The following AKAP10 variants were observed in gnomAD, a reference collection of about 807,000 sequenced individuals.
AKAP10 encodes A-kinase anchor protein 10, mitochondrial.
AKAP10 carries 24 observed loss-of-function variants against 80.8 expected under a neutral mutation model. The observed-to-expected ratio is 0.30, with a 90% confidence interval of 0.22 to 0.42. The LOEUF (loss-of-function observed/expected upper bound fraction) is 0.42. AKAP10 is among the 10% of genes least tolerant of loss of function. The pLI is 1.00. For synonymous variants in AKAP10, 291 were observed against 277.7 expected (o/e 1.05, Z -0.48); for missense variants, 661 against 794.9 (o/e 0.83, Z 2.03).
At chr17:19,968,554 A>G (rs2043453511) in intron 1 of AKAP10, 93 bp from the exon 2 acceptor site, 1 of 1,040,946 alleles carries the variant, frequency 9.6e-7, no homozygotes, top group African/African-American at 1.6e-5. Flanking sequence ...TTCTAAGATG[A>G]GTATTCAAAG....
intron 5 of AKAP10, among the ~76,000 whole-genome samples, chr17:19,946,828 A>G (rs1178664729): frequency 6.6e-6 from 1 of 152,156 alleles, no homozygotes; most frequent in Non-Finnish European, 1.5e-5. Flanking sequence ...AAAAAAGGCA[A>G]GTCACAGGCC....
At chr17:19,916,394 G>A (rs2042742410) in intron 12 of AKAP10, among the ~76,000 whole-genome samples, 1 of 152,160 alleles carries the variant, frequency 6.6e-6, no homozygotes, top group South Asian at 2.1e-4. Context: ...GCACTCCACT[G>A]TTCTATAAAA....
At position 19,931,789 on chromosome 17, in the gene AKAP10, C is replaced by T. The variant is rs752984675; in HGVS notation, c.1641+16G>A. On this transcript the variant is annotated intron_variant, in intron 10 of 14. Transcript: ENST00000225737. ...GTATGCTTTTCTCCCTAATGGCAGACGCAATCAGTCAATACCTGAGACGCA... is the reference window on the plus strand; with the variant it reads ...GTATGCTTTTCTCCCTAATGGCAGATGCAATCAGTCAATACCTGAGACGCA... 24 of 1,603,590 alleles carry T rather than the reference C, an allele frequency of 1.5e-5. No individual in the cohort carries two copies. The highest frequency in any genetic ancestry group is 1.0e-4 in the South Asian group (9 of 89,232).
At chr17:19,931,582 G>A (rs2042933708) in intron 10 of AKAP10, among the ~76,000 whole-genome samples, 1 of 151,796 alleles carries the variant, frequency 6.6e-6, no homozygotes, top group African/African-American at 2.4e-5. Flanking sequence ...GTAGAGATGG[G>A]GTTTCACCAT....
chr17:19,946,222 TTATATATATATATATTATATATATA>T (rs2043109446), intron 5 of AKAP10, among the ~76,000 whole-genome samples: 5 of 33,958 alleles, frequency 1.5e-4, no homozygotes, highest in Middle Eastern at 0.016. Context: ...TATATATATT[TTATATATATATATATTATATATATA>T]TATATATATA....
intron 10 of AKAP10, chr17:19,929,334 A>T (rs2042908021): frequency 6.6e-6 from 1 of 152,192 alleles, no homozygotes; most frequent in African/African-American, 2.4e-5. Flanking sequence ...GTATGATGTA[A>T]ATGTGAATTA....
In AKAP10 at chr17:19,962,977, G is replaced by A. The variant is rs751035251; in HGVS notation, c.182C>T (p.Ala61Val). ...ACTTGGTCCTGCAGCCTCCAGCAAGGCATGATTTTTAGTGCTTTTTTGTGG... is the reference window on the plus strand; with the variant it reads ...ACTTGGTCCTGCAGCCTCCAGCAAGACATGATTTTTAGTGCTTTTTTGTGG... ...HSPQKSTKNH[A>V]LLEAAGPSHV... Residue 61 changes from alanine to valine, a missense_variant, in exon 3 of 15, where the codon GCC (alanine) becomes GTC (valine). By Grantham distance (64) the Ala-to-Val change is moderately conservative (BLOSUM62 0). Coordinates refer to ENST00000225737, the MANE Select transcript of AKAP10 (RefSeq NM_007202.4). The A allele has an allele frequency of 1.9e-5, 30 of 1,612,950 alleles. No homozygotes were observed. Among genetic ancestry groups the A allele is most frequent in the Non-Finnish European group, 2.5e-5 (29 of 1,179,306 alleles).
intron 5 of AKAP10, among the ~76,000 whole-genome samples, chr17:19,943,074 T>TA (rs1046843051): frequency 2.0e-5 from 3 of 152,058 alleles, no homozygotes; most frequent in Non-Finnish European, 2.9e-5. Flanking sequence ...AAATTTTTTG[T>TA]AAGGGGGTCT....
chr17:19,921,430 A>G (rs1418513258), intron 11 of AKAP10, among the ~76,000 whole-genome samples: 1 of 151,416 alleles, frequency 6.6e-6, no homozygotes, highest in East Asian at 2.0e-4. Context: ...TGCTGGGATT[A>G]CAGGCGTGAG....
At chr17:19,925,074 G>A (rs1049212118) in intron 10 of AKAP10, among the ~76,000 whole-genome samples, 1 of 152,076 alleles carries the variant, frequency 6.6e-6, no homozygotes, top group Non-Finnish European at 1.5e-5. Flanking sequence ...TGAGACATGA[G>A]AATCACTTGA....
chr17:19,956,404 G>A (rs908140941), intron 4 of AKAP10, among the ~76,000 whole-genome samples: 14 of 151,972 alleles, frequency 9.2e-5, no homozygotes, highest in Non-Finnish European at 2.1e-4. Context: ...GAAATGCTGA[G>A]TCAGGTCCAC....
chr17:19,929,014 T>C (rs532343057), intron 10 of AKAP10, among the ~76,000 whole-genome samples: 1 of 152,318 alleles, frequency 6.6e-6, no homozygotes, highest in South Asian at 2.1e-4. Flanking sequence ...TTGGCCATAA[T>C]GAGGAATAAA....
intron 4 of AKAP10, among the ~76,000 whole-genome samples, chr17:19,957,496 T>C (rs1001956295): frequency 2.7e-4 from 41 of 151,670 alleles, no homozygotes; most frequent in Non-Finnish European, 4.6e-4. Flanking sequence ...GACCGCGCCA[T>C]TGCACTCCAG....
At chr17:19,928,076 C>T (rs1185251346) in intron 10 of AKAP10, among the ~76,000 whole-genome samples, 1 of 151,070 alleles carries the variant, frequency 6.6e-6, no homozygotes, top group Non-Finnish European at 1.5e-5. Context: ...AAAAATCAGC[C>T]CGGCATGCTG....
intron 8 of AKAP10, among the ~76,000 whole-genome samples, chr17:19,938,272 T>C (rs2152414026): frequency 6.9e-6 from 1 of 143,894 alleles, no homozygotes; most frequent in African/African-American, 2.6e-5. Context: ...AGTCTCCCTC[T>C]GTCAGCCAGC....
rs931858612 is a variant in AKAP10, at chr17:19,969,214, C to T, written c.89-753G>A. ...CAAAACAATGAGCTGGGTGTGGTGGCGGACACCTGTAAGCCCAGCTACTTG... is the reference window on the plus strand; with the variant it reads ...CAAAACAATGAGCTGGGTGTGGTGGTGGACACCTGTAAGCCCAGCTACTTG... On this transcript the variant is annotated intron_variant, in intron 1 of 14. Coordinates refer to ENST00000225737, the MANE Select transcript of AKAP10 (RefSeq NM_007202.4). Among the ~76,000 whole-genome samples the T allele has an allele frequency of 4.6e-5, 7 of 152,058 alleles. No individual in the cohort carries two copies. The East Asian group carries it at 5.8e-4, about 13-fold the overall frequency.
chr17:19,938,518 T>G (rs747567135), intron 8 of AKAP10, among the ~76,000 whole-genome samples: 6 of 152,080 alleles, frequency 3.9e-5, no homozygotes, highest in Non-Finnish European at 8.8e-5. Context: ...ATTATAGGCG[T>G]GAGCCACCGC....
chr17:19,906,771 G>A lies in AKAP10; in HGVS notation c.1984-539C>T, dbSNP rs78871232. Among the ~76,000 whole-genome samples, 406 of 152,318 alleles carry A rather than the reference G, an allele frequency of 2.7e-3. 15 individuals are homozygous for A. The East Asian group carries it at 0.074, about 28-fold the overall frequency. On this transcript the variant is annotated intron_variant, in intron 14 of 14. Coordinates refer to ENST00000225737, the MANE Select transcript of AKAP10 (RefSeq NM_007202.4). ...ACATCCTATAGGCAAATGTCGAGTT[G>A]GAGGTTGAAGCAGAGAGGTATCAAC...
intron 12 of AKAP10, among the ~76,000 whole-genome samples, chr17:19,913,988 T>G (rs2042718290): frequency 6.6e-6 from 1 of 152,168 alleles, no homozygotes; most frequent in Non-Finnish European, 1.5e-5. Context: ...ATTCTAGTCA[T>G]GAAAGAGAAA....
Sources: gnomAD v4.1 joint callset for allele counts (sites outside exome capture counted in the v4.1 genomes callset) on GRCh38, gnomAD v4.1.1 for gene constraint, MANE v1.5 for transcripts, NCBI Gene and HGNC (gene_info 2026-07-23, HGNC 2026-07-21) for gene names.